AHCYL1: variants seen among roughly 807,000 people sequenced by gnomAD.
The protein encoded by AHCYL1 is S-adenosylhomocysteine hydrolase-like protein 1.
Under a neutral mutation model 79.3 loss-of-function variants are expected in AHCYL1, and 20 were observed. The observed-to-expected ratio is 0.25, with a 90% confidence interval of 0.18 to 0.37. The LOEUF is 0.37. Among genes scored for constraint, AHCYL1 ranks in the 10% least tolerant of loss-of-function variants. AHCYL1 has a pLI of 1.00. For synonymous variants in AHCYL1, 223 were observed against 242.2 expected, an observed-to-expected ratio of 0.92 and a Z score of 0.74; for missense variants, 330 against 673.6, an observed-to-expected ratio of 0.49 and a Z score of 5.65.
At chr1:110,002,582 C>T (rs1165686417) in intron 1 of AHCYL1, among the ~76,000 whole-genome samples, 2 of 152,182 alleles carry the variant, frequency 1.3e-5, no homozygotes, top group African/African-American at 4.8e-5. Context: ...GATTCTATAA[C>T]CTTCCCAATA....
At chr1:110,021,539 T>C in intron 16 of AHCYL1, 135 bp from the exon 17 acceptor site, 1 of 709,078 alleles carries the variant, frequency 1.4e-6, no homozygotes. Flanking sequence ...GGGAGACTGG[T>C]GCCCTGGGGA....
At chr1:109,994,844 T>TA (rs1649944231) in intron 1 of AHCYL1, among the ~76,000 whole-genome samples, 1 of 152,210 alleles carries the variant, frequency 6.6e-6, no homozygotes, top group African/African-American at 2.4e-5. Context: ...GAATGTTAAT[T>TA]ATATTGATAA....
chr1:109,994,712 T>G (rs1482985126), intron 1 of AHCYL1, among the ~76,000 whole-genome samples: 1 of 152,258 alleles, frequency 6.6e-6, no homozygotes, highest in Non-Finnish European at 1.5e-5. Flanking sequence ...TATTCAATAC[T>G]TGAGGGTTCA....
chr1:109,984,901 C>T lies in AHCYL1; in HGVS notation c.-152C>T, dbSNP rs1290084879. 1 of 1,232,136 alleles carries T rather than the reference C, an allele frequency of 8.1e-7. No individual in the cohort carries two copies. The highest frequency in any genetic ancestry group is 1.6e-5 in the African/African-American group (1 of 62,260). The allele number at this position is 1,232,136 out of a possible 1,614,324, so 76.3% of individuals were successfully genotyped here. On this transcript the variant is annotated 5_prime_UTR_variant, in exon 1 of 17. Coordinates refer to ENST00000369799, the MANE Select transcript of AHCYL1 (RefSeq NM_006621.7). ...TGCCGAACAGACAAGGCGTGGGCCA[C>T]AGCACCTCAGAAGCCGACGCAGCTC...
At chr1:109,986,376 G>C (rs1338941915) in intron 1 of AHCYL1, among the ~76,000 whole-genome samples, 5 of 151,260 alleles carry the variant, frequency 3.3e-5, no homozygotes, top group Admixed American at 3.3e-4. Flanking sequence ...TCAAATGCAA[G>C]ATCAAAAAAG....
At chr1:110,012,775 A>G in intron 4 of AHCYL1, 122 bp from the exon 5 acceptor site, 2 of 683,150 alleles carry the variant, frequency 2.9e-6, no homozygotes, top group Non-Finnish European at 4.7e-6. Flanking sequence ...ACCCTTTTGT[A>G]ACTTTCCAGT....
intron 16 of AHCYL1, among the ~76,000 whole-genome samples, chr1:110,021,453 A>G (rs1651787405): frequency 6.6e-6 from 1 of 152,136 alleles, no homozygotes; most frequent in African/African-American, 2.4e-5. Context: ...GTCAGGGTTG[A>G]AAAAACACTG....
intron 1 of AHCYL1, among the ~76,000 whole-genome samples, chr1:109,991,974 A>T (rs573874333): frequency 6.6e-6 from 1 of 152,190 alleles, no homozygotes; most frequent in East Asian, 1.9e-4. Context: ...TTAATGGGAA[A>T]TACTTTGTCC....
rs545040217 is a variant in AHCYL1 at position 109,999,636 on chromosome 1, C to A, written c.121-9398C>A. Reference sequence around the variant, plus strand: ...TACTTCAATAAAAATAATAGCCTTACAAGAACTTTTGTTAGTTGTAGTAGT... The same window carrying A: ...TACTTCAATAAAAATAATAGCCTTAAAAGAACTTTTGTTAGTTGTAGTAGT... On this transcript the variant is annotated intron_variant, in intron 1 of 16. Coordinates refer to ENST00000369799, the MANE Select transcript of AHCYL1 (RefSeq NM_006621.7). Among the ~76,000 whole-genome samples the A allele has an allele frequency of 2.0e-5, 3 of 151,654 alleles. No individual in the cohort carries two copies. In the East Asian group the frequency reaches 5.8e-4, roughly 29 times the overall value.
chr1:110,019,266 A>G (rs1173058779), intron 14 of AHCYL1, 147 bp downstream of exon 14: 2 of 848,670 alleles, frequency 2.4e-6, no homozygotes, highest in Admixed American at 5.1e-5. Context: ...TCTTAAGTAT[A>G]GAAAAGAGTC....
chr1:110,019,764 T>G (rs1056628731), intron 15 of AHCYL1, 138 bp downstream of exon 15: 10 of 725,846 alleles, frequency 1.4e-5, no homozygotes, highest in Non-Finnish European at 2.3e-5. Flanking sequence ...CAGGACAAGT[T>G]CTAATCTCTA....
In AHCYL1 at chr1:110,009,077, C is replaced by T; in HGVS notation, c.164C>T (p.Pro55Leu). 1 of 1,614,016 alleles carries T rather than the reference C, an allele frequency of 6.2e-7. No individual in the cohort carries two copies. Among genetic ancestry groups the T allele is most frequent in the Non-Finnish European group, 8.5e-7 (1 of 1,179,914 alleles). ...GACATGCAGGAGTTCACCAAATTCC[C>T]CACCAAAACTGGCCGAAGATCTTTG... ...ADDMQEFTKF[P>L]TKTGRRSLSR... Residue 55 changes from proline to leucine, a missense_variant, in exon 2 of 17, where the codon CCC (proline) becomes CTC (leucine). Pro to Leu is a moderately conservative substitution (Grantham distance 98). Transcript: ENST00000369799.
intron 2 of AHCYL1, 58 bp downstream of exon 2, chr1:110,009,203 G>A: frequency 6.9e-7 from 1 of 1,453,262 alleles, no homozygotes; most frequent in Non-Finnish European, 9.6e-7. Flanking sequence ...TGCTACCAGT[G>A]CTCTTCACTT....
intron 5 of AHCYL1, among the ~76,000 whole-genome samples, chr1:110,014,385 A>C (rs1490004020): frequency 6.6e-6 from 1 of 152,228 alleles, no homozygotes; most frequent in Non-Finnish European, 1.5e-5. Context: ...ATAGTCATTC[A>C]TATGGCTATG....
rs1651879627 is a variant in AHCYL1, at chr1:110,022,722, A to G, written c.*1042A>G. 6.6e-6 allele frequency: 1 copy of G among 152,624 alleles called. No individual in the cohort carries two copies. Among genetic ancestry groups the G allele is most frequent in the Non-Finnish European group, 1.5e-5 (1 of 68,034 alleles). The allele number at this position is 152,624 out of a possible 1,614,324, so 9.5% of individuals were successfully genotyped here. On this transcript the variant is annotated 3_prime_UTR_variant, in exon 17 of 17. Coordinates refer to ENST00000369799, the MANE Select transcript of AHCYL1 (RefSeq NM_006621.7). The stretch of plus-strand genomic sequence containing the variant: ...CTGGTCAGCTGTGCTTCTGCAACCT[A>G]AAATATTTAAAGGGAGGTAGGTGTG...
intron 15 of AHCYL1, among the ~76,000 whole-genome samples, chr1:110,020,388 TTGC>T (rs1651720409): frequency 6.6e-6 from 1 of 152,084 alleles, no homozygotes; most frequent in African/African-American, 2.4e-5. Context: ...GTTAAGGAGG[TTGC>T]TGCAGGAAGG....
intron 1 of AHCYL1, among the ~76,000 whole-genome samples, chr1:109,991,667 T>C (rs879257862): frequency 6.6e-6 from 1 of 152,176 alleles, no homozygotes; most frequent in Non-Finnish European, 1.5e-5. Context: ...ATGGCATTAG[T>C]GGAATCCCTC....
In AHCYL1 at chr1:110,019,033, T is replaced by A. The variant is rs765068139; in HGVS notation, c.1318-18T>A. ...TCTGAGACAGAGCTCATCCCAGGGC[T>A]CTCTCTTACCTTTCCAGGGTCGTCT... On this transcript the variant is annotated intron_variant, in intron 13 of 16. Transcript: ENST00000369799. The A allele has an allele frequency of 9.3e-6, 15 of 1,613,508 alleles. No individual in the cohort carries two copies. In the South Asian group the frequency reaches 1.5e-4, roughly 17 times the overall value.
chr1:110,002,023 G>GA (rs1395180336), intron 1 of AHCYL1, among the ~76,000 whole-genome samples: 2 of 152,100 alleles, frequency 1.3e-5, no homozygotes, highest in African/African-American at 4.8e-5. Context: ...TTGTCATTTT[G>GA]AAACTTTTGT....
Sources: allele counts gnomAD v4.1 joint callset (sites outside exome capture counted in the v4.1 genomes callset), GRCh38; gene constraint gnomAD v4.1.1; transcripts MANE v1.5; gene names NCBI Gene and HGNC (gene_info 2026-07-23, HGNC 2026-07-21).